Variants in RBMS3 observed in about 807,000 individuals in gnomAD.
The protein encoded by RBMS3 is RNA-binding motif, single-stranded-interacting protein 3.
In RBMS3, 27 loss-of-function variants were observed where a neutral mutation model predicts 66.8. The ratio of observed to expected loss-of-function variants is 0.40; its 90% CI spans 0.30 to 0.56. The LOEUF (loss-of-function observed/expected upper bound fraction) is 0.56. RBMS3 is among the 20% of genes least tolerant of loss of function. The pLI is 0.40. For synonymous variants in RBMS3, 188 were observed against 183.0 expected (o/e 1.03, Z -0.22); for missense variants, 513 against 549.5 (o/e 0.93, Z 0.66).
chr3:29,877,176 C>T (rs1371696365), intron 7 of RBMS3, among the ~76,000 whole-genome samples: 3 of 152,100 alleles, frequency 2.0e-5, no homozygotes, highest in Non-Finnish European at 4.4e-5. Context: ...TTGAGACAAA[C>T]ATTTGGGAAT....
intron 7 of RBMS3, among the ~76,000 whole-genome samples, chr3:29,878,265 A>G (rs2059656973): frequency 6.6e-6 from 1 of 151,922 alleles, no homozygotes; most frequent in Non-Finnish European, 1.5e-5. Context: ...ATGGATGGCT[A>G]CTGGTTTGCG....
At chr3:29,777,832 T>A (rs2056480163) in intron 6 of RBMS3, among the ~76,000 whole-genome samples, 1 of 151,868 alleles carries the variant, frequency 6.6e-6, no homozygotes, top group Admixed American at 6.6e-5. Context: ...TCATTTGAAA[T>A]CACAGTTTTT....
chr3:29,828,239 C>A (rs768544462), intron 6 of RBMS3, among the ~76,000 whole-genome samples: 1 of 152,154 alleles, frequency 6.6e-6, no homozygotes, highest in East Asian at 1.9e-4. Flanking sequence ...TGCCACTATA[C>A]CGTAGACTCC....
chr3:29,575,250 T>C (rs1019753953), intron 3 of RBMS3, among the ~76,000 whole-genome samples: 2 of 152,118 alleles, frequency 1.3e-5, no homozygotes, highest in African/African-American at 4.8e-5. Flanking sequence ...ACTTGAAGGA[T>C]ATCTTTGTCG....
intron 4 of RBMS3, among the ~76,000 whole-genome samples, chr3:29,702,249 TG>T (rs772960425): frequency 6.6e-6 from 1 of 152,080 alleles, no homozygotes; most frequent in Non-Finnish European, 1.5e-5. Flanking sequence ...GCTCAAGGTT[TG>T]TAAATGCACC....
chr3:29,362,823 G>A (rs987553841), intron 1 of RBMS3, among the ~76,000 whole-genome samples: 11 of 152,258 alleles, frequency 7.2e-5, no homozygotes, highest in South Asian at 4.2e-4. Context: ...CGCTGACGTC[G>A]AATCTATTCC....
chr3:29,383,024 T>A (rs2038842836), intron 1 of RBMS3, among the ~76,000 whole-genome samples: 1 of 152,182 alleles, frequency 6.6e-6, no homozygotes, highest in South Asian at 2.1e-4. Context: ...GGTGTAACTG[T>A]CAAAGAGCAT....
chr3:29,283,662 AGTT>A (rs1284587619), intron 1 of RBMS3, among the ~76,000 whole-genome samples: 1 of 152,158 alleles, frequency 6.6e-6, no homozygotes, highest in Non-Finnish European at 1.5e-5. Context: ...TTTTTAAAGA[AGTT>A]AGATCCATTA....
chr3:29,549,689 C>T (rs1014616437), intron 3 of RBMS3, among the ~76,000 whole-genome samples: 14 of 151,880 alleles, frequency 9.2e-5, no homozygotes, highest in Non-Finnish European at 1.6e-4. Context: ...CATGAGCCAC[C>T]GTGGATTGAT....
intron 6 of RBMS3, among the ~76,000 whole-genome samples, chr3:29,781,466 A>C (rs2056629404): frequency 6.6e-6 from 1 of 152,070 alleles, no homozygotes; most frequent in African/African-American, 2.4e-5. Context: ...GATTGCTATT[A>C]GTTTTTGGAA....
chr3:29,304,922 A>AT (rs1319682976), intron 1 of RBMS3, among the ~76,000 whole-genome samples: 3 of 151,872 alleles, frequency 2.0e-5, no homozygotes, highest in Non-Finnish European at 4.4e-5. Flanking sequence ...TTTCTCTACC[A>AT]TAACAATATA....
intron 14 of RBMS3, among the ~76,000 whole-genome samples, chr3:29,997,208 A>C (rs1039859922): frequency 6.6e-6 from 1 of 152,144 alleles, no homozygotes; most frequent in Non-Finnish European, 1.5e-5. Context: ...CTCTCTCAAG[A>C]CTAAACCAGG....
chr3:29,921,797 T>C (rs1049274266), intron 10 of RBMS3, among the ~76,000 whole-genome samples: 3 of 152,194 alleles, frequency 2.0e-5, no homozygotes, highest in African/African-American at 7.2e-5. Flanking sequence ...ATCCGGTGTG[T>C]CTACAAGCCT....
At chr3:29,453,807 G>A (rs1294561695) in intron 2 of RBMS3, among the ~76,000 whole-genome samples, 2 of 152,176 alleles carry the variant, frequency 1.3e-5, no homozygotes, top group East Asian at 1.9e-4. Context: ...CGCTAGCCAG[G>A]GGTGATGAAG....
intron 3 of RBMS3, among the ~76,000 whole-genome samples, chr3:29,548,087 A>G (rs1327291779): frequency 6.6e-6 from 1 of 152,032 alleles, no homozygotes; most frequent in East Asian, 1.9e-4. Flanking sequence ...TGTGAGCCAC[A>G]GCACTAAGAC....
chr3:29,663,461 A>T (rs948007127), intron 4 of RBMS3, among the ~76,000 whole-genome samples: 1 of 152,306 alleles, frequency 6.6e-6, no homozygotes, highest in Admixed American at 6.5e-5. Flanking sequence ...GTGGCCATGG[A>T]GATATCTTTG....
rs1372973047 is a variant in RBMS3, at chr3:29,383,953, A to T, written c.76-50790A>T. On this transcript the variant is annotated intron_variant, in intron 1 of 14. Transcript: ENST00000383767. Reference sequence around the variant, plus strand: ...GCAACCAGTATATGTTAACTATACGATAAGTATTTCTTTACTCACCAAATT... The same window carrying T: ...GCAACCAGTATATGTTAACTATACGTTAAGTATTTCTTTACTCACCAAATT... Among the ~76,000 whole-genome samples the T allele has an allele frequency of 2.0e-5, 3 of 152,358 alleles. No homozygotes were observed. In the East Asian group the frequency reaches 5.8e-4, roughly 29 times the overall value.
chr3:29,854,943 TA>T (rs2059033682), intron 6 of RBMS3, among the ~76,000 whole-genome samples: 1 of 152,136 alleles, frequency 6.6e-6, no homozygotes, highest in Non-Finnish European at 1.5e-5. Flanking sequence ...ATGCTGGAAA[TA>T]AAATGAGAGG....
intron 3 of RBMS3, among the ~76,000 whole-genome samples, chr3:29,520,514 C>G (rs776015853): frequency 6.6e-6 from 1 of 151,916 alleles, no homozygotes; most frequent in Non-Finnish European, 1.5e-5. Context: ...AAATATACAC[C>G]AACAGCATAG....
Sources: allele counts gnomAD v4.1 joint callset (sites outside exome capture counted in the v4.1 genomes callset), GRCh38; gene constraint gnomAD v4.1.1; transcripts MANE v1.5; gene names NCBI Gene and HGNC (gene_info 2026-07-23, HGNC 2026-07-21).